RIC1: variants seen among roughly 807,000 people sequenced by gnomAD.
RIC1 encodes guanine nucleotide exchange factor subunit RIC1.
A neutral mutation model predicts 169.0 loss-of-function variants in RIC1; 88 were observed. The ratio of observed to expected loss-of-function variants is 0.52; its 90% CI spans 0.44 to 0.62. RIC1 has a LOEUF of 0.62. RIC1 is among the 20% of genes least tolerant of loss of function. The probability of loss-of-function intolerance (pLI) is 0.00; values close to 1 mark genes in which losing one functional copy is unlikely to be tolerated. For missense variants in RIC1, 1,877 were observed against 1,725.5 expected (o/e 1.09, Z -1.56); for synonymous variants, 790 against 601.5 (o/e 1.31, Z -4.59).
intron 6 of RIC1, among the ~76,000 whole-genome samples, chr9:5,722,622 A>G (rs1018039040): frequency 1.3e-5 from 2 of 152,076 alleles, no homozygotes; most frequent in Non-Finnish European, 2.9e-5. Context: ...TTTGTTACAT[A>G]TGTACACATG....
At chr9:5,685,648 T>C (rs199689410) in intron 2 of RIC1, among the ~76,000 whole-genome samples, 2 of 151,834 alleles carry the variant, frequency 1.3e-5, no homozygotes, top group East Asian at 1.9e-4. Flanking sequence ...AAGATTTAAA[T>C]GTTAGACCTA....
At chr9:5,664,836 GCTTAT>G (rs760197627) in intron 2 of RIC1, among the ~76,000 whole-genome samples, 1 of 151,874 alleles carries the variant, frequency 6.6e-6, no homozygotes, top group Non-Finnish European at 1.5e-5. Context: ...ATTCTTGTCC[GCTTAT>G]CTTATTTCAG....
At chr9:5,765,605 C>T (rs1343202465) in intron 20 of RIC1, 33 bp downstream of exon 20, 4 of 1,613,814 alleles carry the variant, frequency 2.5e-6, no homozygotes, top group African/African-American at 2.7e-5. Flanking sequence ...CTTCTCTAGG[C>T]CATACACCCA....
At chr9:5,635,371 G>T (rs948391674) in intron 1 of RIC1, among the ~76,000 whole-genome samples, 8 of 151,962 alleles carry the variant, frequency 5.3e-5, no homozygotes, top group Admixed American at 5.2e-4. Flanking sequence ...GTAAGATAAG[G>T]GTCCAGTTTC....
At chr9:5,666,638 A>G (rs7865063) in intron 2 of RIC1, among the ~76,000 whole-genome samples, 6,720 of 152,212 alleles carry the variant, frequency 0.044, 514 homozygotes, top group African/African-American at 0.15. Context: ...GTCAATTGAG[A>G]AACGTGGATT....
chr9:5,726,688 G>A (rs1188523950), intron 6 of RIC1, among the ~76,000 whole-genome samples: 2 of 152,166 alleles, frequency 1.3e-5, no homozygotes, highest in Admixed American at 1.3e-4. Context: ...GCAGTGGCTG[G>A]TACCAGTTGT....
At chr9:5,725,081 T>G (rs1277400993) in intron 6 of RIC1, among the ~76,000 whole-genome samples, 1 of 152,252 alleles carries the variant, frequency 6.6e-6, no homozygotes, top group Non-Finnish European at 1.5e-5. Context: ...TAAAATGAGT[T>G]AGGGAGGGTT....
rs771659823 is a variant in RIC1 at position 5,720,209 on chromosome 9, G to C, written c.468G>C (p.Leu156=). The C allele has an allele frequency of 1.9e-6, 3 of 1,612,354 alleles. No homozygotes were observed. Among genetic ancestry groups the C allele is most frequent in the Admixed American group, 3.3e-5 (2 of 59,966 alleles). ...MSLQSVLEDL[L]VATSDGLLHL... Reference sequence around the variant, plus strand: ...TGCAGTCTGTGTTGGAAGATCTCCTGGTTGCTACTTCTGATGGACTTCTTC... The same window carrying C: ...TGCAGTCTGTGTTGGAAGATCTCCTCGTTGCTACTTCTGATGGACTTCTTC... Residue 156 remains leucine (L), a synonymous_variant, in exon 5 of 26, where the codon CTG becomes CTC. Coordinates refer to ENST00000414202, the MANE Select transcript of RIC1 (RefSeq NM_020829.4).
At chr9:5,639,844 C>G (rs952546901) in intron 1 of RIC1, among the ~76,000 whole-genome samples, 1 of 152,126 alleles carries the variant, frequency 6.6e-6, no homozygotes, top group African/African-American at 2.4e-5. Flanking sequence ...TTCTTTGTCT[C>G]ACAATTTTTG....
intron 2 of RIC1, among the ~76,000 whole-genome samples, chr9:5,658,825 G>GT (rs544099717): frequency 0.066 from 9,172 of 138,232 alleles, 404 homozygotes; most frequent in African/African-American, 0.13. Flanking sequence ...AAGTTTTTTT[G>GT]TTTTTTTTTT....
Position 5,763,107 on chromosome 9 carries a change from A to G in RIC1, c.2113-33A>G. On this transcript the variant is annotated intron_variant, in intron 18 of 25. Transcript: ENST00000414202. The surrounding 1 kb of genome is among the most constrained non-coding windows in gnomAD (Gnocchi z 5.2). ...CTTAAGAACCTGCAGATTTAATAGG[A>G]AAACAACTTGATTCTTGTCTCTCCT... 6.3e-7 allele frequency: 1 copy of G among 1,597,982 alleles called. No homozygotes were observed. Among genetic ancestry groups the G allele is most frequent in the Non-Finnish European group, 8.5e-7 (1 of 1,170,678 alleles).
At chr9:5,718,427 G>T (rs960643811) in intron 4 of RIC1, among the ~76,000 whole-genome samples, 1 of 151,988 alleles carries the variant, frequency 6.6e-6, no homozygotes, top group African/African-American at 2.4e-5. Flanking sequence ...AGAGGGAAGG[G>T]GTCTTCCCTG....
Position 5,763,027 on chromosome 9 carries a change from C to T in RIC1, c.2113-113C>T, listed in dbSNP as rs1021276450. 28 of 1,310,322 alleles carry T rather than the reference C, an allele frequency of 2.1e-5. No homozygotes were observed. In the African/African-American group the frequency reaches 4.0e-4, roughly 19 times the overall value. The allele number at this position is 1,310,322 out of a possible 1,614,324, so 81.2% of individuals were successfully genotyped here. A position where few individuals can be genotyped will look rare whatever the true frequency, so the allele number is the denominator to read the frequency against. On this transcript the variant is annotated intron_variant, in intron 18 of 25. Coordinates refer to ENST00000414202, the MANE Select transcript of RIC1 (RefSeq NM_020829.4). This position sits in a 1 kb window ranked among gnomAD's most constrained non-coding sequence, Gnocchi z 5.2. The stretch of plus-strand genomic sequence containing the variant: ...ATTCTAATTAGATCCCTTTGCTTTT[C>T]CCAAAAAAATATTATACTATCATTT...
chr9:5,651,087 C>G (rs563179564), intron 1 of RIC1, among the ~76,000 whole-genome samples: 2 of 152,238 alleles, frequency 1.3e-5, no homozygotes, highest in East Asian at 3.9e-4. Context: ...ATCACATGGT[C>G]TCTAAGAAGT....
rs1825913061 is a variant in RIC1 at position 5,754,888 on chromosome 9, T to C, written c.1650T>C (p.Phe550=). ...VTGGLAWWND[F]MVLACYNIND... is the part of the protein sequence containing the mutation. ...GTGGCTTAGCCTGGTGGAATGATTT[T>C]ATGGTCCTTGCGTGTTATAACATAA... Residue 550 remains phenylalanine (F), a synonymous_variant, in exon 15 of 26, where the codon TTT becomes TTC. Coordinates refer to ENST00000414202, the MANE Select transcript of RIC1 (RefSeq NM_020829.4). 2 of 1,581,200 alleles carry C rather than the reference T, an allele frequency of 1.3e-6. No homozygotes were observed. The highest frequency in any genetic ancestry group is 1.7e-6 in the Non-Finnish European group (2 of 1,158,894).
At chr9:5,690,846 GTAGA>G (rs1821552396) in intron 3 of RIC1, among the ~76,000 whole-genome samples, 1 of 151,808 alleles carries the variant, frequency 6.6e-6, no homozygotes, top group African/African-American at 2.4e-5. Flanking sequence ...AGAGATTCCA[GTAGA>G]TAAATAGGGA....
At position 5,720,390 on chromosome 9, in the gene RIC1, C is replaced by G; in HGVS notation, c.583+66C>G. 3 of 1,463,356 alleles carry G rather than the reference C, an allele frequency of 2.1e-6. No individual in the cohort carries two copies. The South Asian group carries it at 3.8e-5, about 19-fold the overall frequency. The allele number at this position is 1,463,356 out of a possible 1,614,324, so 90.6% of individuals were successfully genotyped here. Reference sequence around the variant, plus strand: ...TGTTTGATGTCTAGTTAGGTATCTTCTATGGATGAACACTTCTTTGGAATT... The same window carrying G: ...TGTTTGATGTCTAGTTAGGTATCTTGTATGGATGAACACTTCTTTGGAATT... On this transcript the variant is annotated intron_variant, in intron 5 of 25. Coordinates refer to ENST00000414202, the MANE Select transcript of RIC1 (RefSeq NM_020829.4).
intron 1 of RIC1, among the ~76,000 whole-genome samples, chr9:5,643,465 A>C (rs1818349002): frequency 6.6e-6 from 1 of 152,152 alleles, no homozygotes. Context: ...CCATGATTGC[A>C]CTATGGCAAC....
intron 1 of RIC1, among the ~76,000 whole-genome samples, chr9:5,634,802 G>A (rs940664062): frequency 6.6e-6 from 1 of 152,052 alleles, no homozygotes; most frequent in Non-Finnish European, 1.5e-5. Context: ...AGATGTCAGG[G>A]TGTTTTTCCC....
Sources: gnomAD v4.1 joint callset for allele counts (sites outside exome capture counted in the v4.1 genomes callset) on GRCh38, gnomAD v4.1.1 for gene constraint, Gnocchi (gnomAD v3.1) non-coding constraint, MANE v1.5 for transcripts, NCBI Gene and HGNC (gene_info 2026-07-23, HGNC 2026-07-21) for gene names.